Variants in TAFA2 observed in about 807,000 individuals in gnomAD.
TAFA2 encodes the protein chemokine-like protein TAFA-2.
A neutral mutation model predicts 18.8 loss-of-function variants in TAFA2; 7 were observed. The observed-to-expected ratio is 0.37, with a 90% confidence interval of 0.21 to 0.70. The LOEUF is 0.70. Among genes scored for constraint, TAFA2 ranks in the 30% least tolerant of loss-of-function variants. The probability of loss-of-function intolerance (pLI) is 0.53; values close to 1 mark genes in which losing one functional copy is unlikely to be tolerated. For missense variants in TAFA2, 122 were observed against 158.1 expected (o/e 0.77, Z 1.23); for synonymous variants, 60 against 54.2 (o/e 1.11, Z -0.47).
intron 1 of TAFA2, among the ~76,000 whole-genome samples, chr12:62,123,130 G>A (rs1870274572): frequency 6.6e-6 from 1 of 152,050 alleles, no homozygotes; most frequent in East Asian, 1.9e-4. Flanking sequence ...TACCAAATAC[G>A]CTTATATACT....
chr12:62,031,450 G>A (rs1006354068), intron 1 of TAFA2, among the ~76,000 whole-genome samples: 1 of 151,930 alleles, frequency 6.6e-6, no homozygotes, highest in Non-Finnish European at 1.5e-5. Context: ...GTGGGACCCC[G>A]TGATCATGTG....
chr12:62,018,442 C>T (rs1881011077), intron 1 of TAFA2, among the ~76,000 whole-genome samples: 1 of 151,988 alleles, frequency 6.6e-6, no homozygotes, highest in Admixed American at 6.6e-5. Flanking sequence ...CTAGAAATGT[C>T]AGTTCAACTA....
intron 2 of TAFA2, among the ~76,000 whole-genome samples, chr12:61,787,112 A>G (rs1198917573): frequency 2.0e-5 from 3 of 151,518 alleles, no homozygotes; most frequent in Non-Finnish European, 3.0e-5. Context: ...ACTCTTTAAG[A>G]AACCAACTAT....
chr12:61,972,646 A>G (rs1879289215), intron 1 of TAFA2, among the ~76,000 whole-genome samples: 2 of 151,694 alleles, frequency 1.3e-5, no homozygotes, highest in South Asian at 4.1e-4. Flanking sequence ...TCTGTACTGG[A>G]AAGAGAACAA....
intron 1 of TAFA2, among the ~76,000 whole-genome samples, chr12:62,243,047 T>C (rs1049787581): frequency 6.6e-6 from 1 of 152,214 alleles, no homozygotes; most frequent in Admixed American, 6.5e-5. Context: ...TGGAAAACTA[T>C]AGCCTAAATT....
chr12:61,951,752 C>A (rs1396023655), intron 1 of TAFA2, among the ~76,000 whole-genome samples: 1 of 152,044 alleles, frequency 6.6e-6, no homozygotes, highest in Non-Finnish European at 1.5e-5. Context: ...GAAACCAGTA[C>A]ACAAAGCTAA....
At chr12:62,044,534 C>T (rs906799791) in intron 1 of TAFA2, among the ~76,000 whole-genome samples, 2 of 152,088 alleles carry the variant, frequency 1.3e-5, no homozygotes, top group Non-Finnish European at 2.9e-5. Context: ...CAGGTGTCAG[C>T]GTGGCACAGA....
chr12:62,025,638 A>G (rs1243410534), intron 1 of TAFA2, among the ~76,000 whole-genome samples: 1 of 152,096 alleles, frequency 6.6e-6, no homozygotes, highest in African/African-American at 2.4e-5. Context: ...TTGGATGGCT[A>G]TTGTTTTACA....
chr12:61,994,021 T>C (rs570262162), intron 1 of TAFA2, among the ~76,000 whole-genome samples: 1 of 152,296 alleles, frequency 6.6e-6, no homozygotes, highest in African/African-American at 2.4e-5. Context: ...ATACTAATGG[T>C]CCACAACTTT....
intron 1 of TAFA2, among the ~76,000 whole-genome samples, chr12:62,144,598 C>G (rs1379272830): frequency 3.3e-5 from 5 of 152,196 alleles, no homozygotes; most frequent in African/African-American, 1.2e-4. Flanking sequence ...TGATTTGCCT[C>G]TTGGGGAATT....
At chr12:61,901,482 G>T in intron 1 of TAFA2, among the ~76,000 whole-genome samples, 1 of 148,708 alleles carries the variant, frequency 6.7e-6, no homozygotes, top group African/African-American at 2.4e-5. Flanking sequence ...CTTCAACTTT[G>T]TAGTTGAAAA....
chr12:61,986,219 C>T (rs1175763794), intron 1 of TAFA2, among the ~76,000 whole-genome samples: 1 of 114,262 alleles, frequency 8.8e-6, no homozygotes, highest in African/African-American at 3.4e-5. Flanking sequence ...GGCTGGAGTT[C>T]AATGGCATGA....
At chr12:61,958,840 A>T (rs1163242233) in intron 1 of TAFA2, among the ~76,000 whole-genome samples, 1 of 152,042 alleles carries the variant, frequency 6.6e-6, no homozygotes, top group African/African-American at 2.4e-5. Context: ...ACGGACTATT[A>T]GTCTAAGGAG....
intron 1 of TAFA2, among the ~76,000 whole-genome samples, chr12:61,873,592 A>G (rs1874715348): frequency 6.6e-6 from 1 of 152,194 alleles, no homozygotes; most frequent in Non-Finnish European, 1.5e-5. Context: ...AGTATAAACT[A>G]TTATTGTTAT....
intron 1 of TAFA2, among the ~76,000 whole-genome samples, chr12:62,037,037 G>C (rs56111414): frequency 0.11 from 16,620 of 152,162 alleles, 1,067 homozygotes; most frequent in Non-Finnish European, 0.14. Context: ...TAATTTAATA[G>C]CAATAAATAA....
At chr12:62,182,192 A>T (rs1565772617) in intron 1 of TAFA2, among the ~76,000 whole-genome samples, 1 of 152,216 alleles carries the variant, frequency 6.6e-6, no homozygotes, top group Non-Finnish European at 1.5e-5. Flanking sequence ...CATCTCTTCA[A>T]ACTGTAGGAT....
At chr12:61,755,119 A>G in intron 2 of TAFA2, 95 bp from the exon 3 acceptor site, 2 of 1,132,068 alleles carry the variant, frequency 1.8e-6, no homozygotes, top group South Asian at 1.6e-5. Context: ...ATATAGCTCT[A>G]TAAGGGGTCC....
intron 1 of TAFA2, among the ~76,000 whole-genome samples, chr12:61,938,753 G>A (rs1877877048): frequency 1.3e-5 from 2 of 152,070 alleles, no homozygotes; most frequent in African/African-American, 4.8e-5. Context: ...AATGTCTTTT[G>A]CAGCAACTTG....
intron 2 of TAFA2, among the ~76,000 whole-genome samples, chr12:61,803,625 T>A (rs1372819737): frequency 6.6e-6 from 1 of 151,946 alleles, no homozygotes; most frequent in Non-Finnish European, 1.5e-5. Context: ...AACATAAACA[T>A]CATTTTCTCT....
Sources: allele counts gnomAD v4.1 joint callset (sites outside exome capture counted in the v4.1 genomes callset), GRCh38; gene constraint gnomAD v4.1.1; transcripts MANE v1.5; gene names NCBI Gene and HGNC (gene_info 2026-07-23, HGNC 2026-07-21).